The following ADAMTSL1 variants were observed in gnomAD, a reference collection of about 807,000 sequenced individuals.
The protein encoded by ADAMTSL1 is ADAMTS-like protein 1.
Under a neutral mutation model 201.8 loss-of-function variants are expected in ADAMTSL1, and 126 were observed. The observed-to-expected ratio is 0.62, with a 90% CI of 0.54 to 0.72. The LOEUF (loss-of-function observed/expected upper bound fraction) is 0.72. Among genes scored for constraint, ADAMTSL1 ranks in the 30% least tolerant of loss-of-function variants. The pLI, the probability that ADAMTSL1 is intolerant of heterozygous loss-of-function variation, is 0.00. For missense variants in ADAMTSL1, 2,679 were observed against 2,277.8 expected (o/e 1.18, Z -3.59); for synonymous variants, 1,121 against 903.4 (o/e 1.24, Z -4.32).
At position 18,759,113 on chromosome 9, in the gene ADAMTSL1, T is replaced by G. The variant is rs564739190; in HGVS notation, c.2217+5605T>G. On this transcript the variant is annotated intron_variant, in intron 16 of 28. Transcript: ENST00000380548. ...ATGTTCAAGATTGCGTCCACCCAACTGTACACACATGTTGCACACATCTGT... is the reference window on the plus strand; with the variant it reads ...ATGTTCAAGATTGCGTCCACCCAACGGTACACACATGTTGCACACATCTGT... Among the ~76,000 whole-genome samples, 129 of 152,338 alleles carry G rather than the reference T, an allele frequency of 8.5e-4. 1 individual carries two copies. Among genetic ancestry groups the G allele is most frequent in the African/African-American group, 3.0e-3 (124 of 41,582 alleles).
rs114932319 is a variant in ADAMTSL1, at chr9:18,342,821, T to G, written c.208-162008T>G. On this transcript the variant is annotated intron_variant, in intron 2 of 29. Coordinates refer to the ADAMTSL1 transcript ENST00000680146. ...GGATTACCTCTCTGTGTTCTGAATT[T>G]AAAAGAAACTGGACTCAAGAAAGAT... Among the ~76,000 whole-genome samples, 855 of 152,266 alleles carry G rather than the reference T, an allele frequency of 5.6e-3. 9 individuals are homozygous for G. The highest frequency in any genetic ancestry group is 0.02 in the African/African-American group (825 of 41,568).
chr9:18,172,057 T>G (rs559571197), intron 2 of ADAMTSL1, among the ~76,000 whole-genome samples: 1 of 137,722 alleles, frequency 7.3e-6, no homozygotes, highest in South Asian at 2.2e-4. Context: ...ATGTTCTCAC[T>G]CATAAGTGGG....
chr9:17,945,857 C>T (rs1368129296), intron 1 of ADAMTSL1, among the ~76,000 whole-genome samples: 1 of 149,592 alleles, frequency 6.7e-6, no homozygotes, highest in Non-Finnish European at 1.5e-5. Flanking sequence ...AGGAGATATA[C>T]CTAATGCTAA....
chr9:18,468,324 G>GTGTTT (rs1183143646), intron 2 of ADAMTSL1, among the ~76,000 whole-genome samples: 48 of 152,096 alleles, frequency 3.2e-4, no homozygotes, highest in Non-Finnish European at 4.4e-5. Flanking sequence ...GTTTTGTTTT[G>GTGTTT]TGTTTTGTTT....
At chr9:18,023,889 C>G (rs796868135) in intron 1 of ADAMTSL1, among the ~76,000 whole-genome samples, 33 of 152,144 alleles carry the variant, frequency 2.2e-4, no homozygotes, top group African/African-American at 7.7e-4. Context: ...GCTAAAAAAT[C>G]TCAATTTATT....
chr9:18,245,880 A>G (rs535899924), intron 2 of ADAMTSL1, among the ~76,000 whole-genome samples: 2 of 152,308 alleles, frequency 1.3e-5, no homozygotes, highest in South Asian at 4.1e-4. Flanking sequence ...GCAATCAATT[A>G]GCCGCCACCT....
intron 3 of ADAMTSL1, among the ~76,000 whole-genome samples, chr9:18,540,475 G>A (rs1248622554): frequency 1.3e-5 from 2 of 152,160 alleles, no homozygotes; most frequent in Non-Finnish European, 2.9e-5. Flanking sequence ...AATGTCCTTA[G>A]TATGTTTGGA....
At chr9:18,092,051 T>C (rs192383011) in intron 1 of ADAMTSL1, among the ~76,000 whole-genome samples, 31 of 152,300 alleles carry the variant, frequency 2.0e-4, no homozygotes. Context: ...CATCTGTAGA[T>C]ACATCTGGGA....
chr9:18,460,633 A>G (rs118117308), intron 2 of ADAMTSL1, among the ~76,000 whole-genome samples: 152 of 152,332 alleles, frequency 1.0e-3, no homozygotes, highest in Admixed American at 1.6e-3. Flanking sequence ...ATGCAGGTTT[A>G]CACCAGGGTA....
chr9:18,859,968 C>G (rs1488300588), intron 23 of ADAMTSL1, among the ~76,000 whole-genome samples: 1 of 152,090 alleles, frequency 6.6e-6, no homozygotes, highest in Non-Finnish European at 1.5e-5. Flanking sequence ...GACTTACATT[C>G]ATTGACAAGA....
chr9:18,511,871 A>T (rs752915722), intron 2 of ADAMTSL1, among the ~76,000 whole-genome samples: 1 of 152,150 alleles, frequency 6.6e-6, no homozygotes, highest in East Asian at 1.9e-4. Context: ...AAGACATCTC[A>T]TCTCTATCAT....
chr9:18,042,098 A>AGG (rs1821450588), intron 1 of ADAMTSL1, among the ~76,000 whole-genome samples: 4 of 150,300 alleles, frequency 2.7e-5, no homozygotes, highest in African/African-American at 4.9e-5. Flanking sequence ...TTGCTGGGAA[A>AGG]AAAAAAAAAA....
chr9:18,112,672 T>C lies in ADAMTSL1; in HGVS notation c.88-51190T>C, dbSNP rs573668892. ...GAGCTGTAACAGAAGTGTGCATACA[T>C]AGTAGTAGGAGACAGTTGCACAATA... is the stretch of plus-strand genomic sequence containing the variant. On this transcript the variant is annotated intron_variant, in intron 1 of 29. Transcript: ENST00000680146. Among the ~76,000 whole-genome samples the C allele has an allele frequency of 4.6e-5, 7 of 152,242 alleles. No homozygotes were observed. In the South Asian group the frequency reaches 1.4e-3, roughly 32 times the overall value.
intron 1 of ADAMTSL1, among the ~76,000 whole-genome samples, chr9:17,997,353 G>T (rs1045406501): frequency 2.0e-5 from 3 of 152,014 alleles, no homozygotes; most frequent in African/African-American, 7.2e-5. Context: ...GCCAAATAAA[G>T]AATGGACTGG....
At chr9:18,369,566 T>TA (rs1029290349) in intron 2 of ADAMTSL1, among the ~76,000 whole-genome samples, 7 of 152,160 alleles carry the variant, frequency 4.6e-5, no homozygotes, top group African/African-American at 1.7e-4. Flanking sequence ...GGAAACAGGA[T>TA]AAAGATTCCC....
intron 2 of ADAMTSL1, among the ~76,000 whole-genome samples, chr9:18,417,396 A>T: frequency 6.6e-6 from 1 of 150,966 alleles, no homozygotes; most frequent in Admixed American, 6.6e-5. Flanking sequence ...AAAAAAACAA[A>T]GATGAGGGCA....
intron 2 of ADAMTSL1, among the ~76,000 whole-genome samples, chr9:18,345,830 G>A (rs971232093): frequency 1.3e-5 from 2 of 152,064 alleles, no homozygotes; most frequent in South Asian, 4.1e-4. Context: ...CTGAGCTGCA[G>A]AATTGGCCCC....
At chr9:17,938,842 TC>T (rs1827115874) in intron 1 of ADAMTSL1, among the ~76,000 whole-genome samples, 1 of 152,162 alleles carries the variant, frequency 6.6e-6, no homozygotes, top group South Asian at 2.1e-4. Flanking sequence ...TTCCTGACTT[TC>T]CATGGCTTTC....
chr9:17,914,747 T>C lies in ADAMTSL1; in HGVS notation c.87+7825T>C, dbSNP rs374086878. Among the ~76,000 whole-genome samples the C allele has an allele frequency of 5.8e-4, 88 of 151,660 alleles. No homozygotes were observed. The East Asian group carries it at 9.4e-3, about 16-fold the overall frequency. ...AAGTCAAATTGTCCCTGTTTGCAGA[T>C]GACATGATTGTATATCTAGAAAACC... On this transcript the variant is annotated intron_variant, in intron 1 of 29. Transcript: ENST00000680146.
Sources: gnomAD v4.1 joint callset for allele counts (sites outside exome capture counted in the v4.1 genomes callset) on GRCh38, gnomAD v4.1.1 for gene constraint, MANE v1.5 for transcripts, NCBI Gene and HGNC (gene_info 2026-07-23, HGNC 2026-07-21) for gene names.